The following AASDHPPT variants were observed in gnomAD, a reference collection of about 807,000 sequenced individuals.
AASDHPPT encodes aminoadipate-semialdehyde dehydrogenase-phosphopantetheinyl transferase, also known as L-aminoadipate-semialdehyde dehydrogenase-phosphopantetheinyl transferase.
Under a neutral mutation model 36.4 loss-of-function variants are expected in AASDHPPT, and 23 were observed. The ratio of observed to expected loss-of-function variants is 0.63; its 90% CI spans 0.45 to 0.89. The LOEUF is 0.89. Among genes scored for constraint, AASDHPPT ranks in the 40% least tolerant of loss-of-function variants. The pLI is 0.00. For missense variants in AASDHPPT, 377 were observed against 378.2 expected, an observed-to-expected ratio of 1.00 and a Z score of 0.03; for synonymous variants, 115 against 128.0, an observed-to-expected ratio of 0.90 and a Z score of 0.68.
At chr11:106,095,434 A>G (rs12576617) in intron 5 of AASDHPPT, among the ~76,000 whole-genome samples, 119 of 152,314 alleles carry the variant, frequency 7.8e-4, no homozygotes, top group East Asian at 7.3e-3. Flanking sequence ...ATATTGTGGC[A>G]TAACATCAGT....
Position 106,097,769 on chromosome 11 carries a change from G to C in AASDHPPT, c.*862G>C, listed in dbSNP as rs1294150312. On this transcript the variant is annotated 3_prime_UTR_variant, in exon 6 of 6. Transcript: ENST00000278618. ...AGATCAGGTTACAGAGAAAGGCAATGTCTGACATTTTTGGTCTCTGTTAGA... is the reference window on the plus strand; with the variant it reads ...AGATCAGGTTACAGAGAAAGGCAATCTCTGACATTTTTGGTCTCTGTTAGA... The C allele has an allele frequency of 6.6e-6, 1 of 152,132 alleles. No homozygotes were observed. The highest frequency in any genetic ancestry group is 2.4e-5 in the African/African-American group (1 of 41,440). The allele number at this position is 152,132 out of a possible 1,614,324, so 9.4% of individuals were successfully genotyped here. A position where few individuals can be genotyped will look rare whatever the true frequency, so the allele number is the denominator to read the frequency against.
intron 2 of AASDHPPT, chr11:106,089,642 A>G (rs1861234213): frequency 2.0e-5 from 3 of 152,124 alleles, no homozygotes; most frequent in Admixed American, 1.3e-4. Flanking sequence ...TATACATATT[A>G]TGCATATTTA....
intron 2 of AASDHPPT, among the ~76,000 whole-genome samples, chr11:106,087,918 G>A (rs555548166): frequency 6.6e-6 from 1 of 152,146 alleles, no homozygotes; most frequent in Non-Finnish European, 1.5e-5. Flanking sequence ...TAGTTTAAGG[G>A]ACAAATTCAC....
At chr11:106,079,331 TG>T in intron 1 of AASDHPPT, 135 bp from the exon 2 acceptor site, 1 of 673,492 alleles carries the variant, frequency 1.5e-6, no homozygotes, top group Non-Finnish European at 2.4e-6. Flanking sequence ...TTAATTAACG[TG>T]TGTTTAATAC....
chr11:106,094,764 T>A, intron 5 of AASDHPPT, 110 bp downstream of exon 5: 1 of 770,222 alleles, frequency 1.3e-6, no homozygotes, highest in Non-Finnish European at 2.0e-6. Context: ...GAGATTTTTT[T>A]AAGATTATAG....
intron 1 of AASDHPPT, among the ~76,000 whole-genome samples, chr11:106,078,809 TTGTG>T (rs1180618603): frequency 3.9e-5 from 6 of 152,188 alleles, no homozygotes; most frequent in African/African-American, 1.4e-4. Context: ...TCTTGTTTTT[TTGTG>T]TGTGTGTTTT....
intron 4 of AASDHPPT, chr11:106,093,704 A>G (rs1861280427): frequency 6.6e-6 from 1 of 152,180 alleles, no homozygotes; most frequent in Non-Finnish European, 1.5e-5. Context: ...GTGGTTTTTC[A>G]GTGAAAAGTT....
At chr11:106,095,986 A>G (rs1861309145) in intron 5 of AASDHPPT, 1 of 152,166 alleles carries the variant, frequency 6.6e-6, no homozygotes, top group Non-Finnish European at 1.5e-5. Flanking sequence ...ACAATTCACA[A>G]AATTGGGTTC....
chr11:106,078,741 TGAA>T (rs1257348224), intron 1 of AASDHPPT, among the ~76,000 whole-genome samples: 1 of 152,190 alleles, frequency 6.6e-6, no homozygotes, highest in Non-Finnish European at 1.5e-5. Flanking sequence ...GTGTTAGAAT[TGAA>T]GAAGAAAAAA....
At chr11:106,083,127 G>C (rs376957661) in intron 2 of AASDHPPT, among the ~76,000 whole-genome samples, 11 of 152,024 alleles carry the variant, frequency 7.2e-5, no homozygotes, top group African/African-American at 2.7e-4. Flanking sequence ...TTCCTTACTG[G>C]AAAACCAAGT....
chr11:106,077,905 C>G lies in AASDHPPT; in HGVS notation c.183+12C>G. On this transcript the variant is annotated intron_variant, in intron 1 of 5. Coordinates refer to ENST00000278618, the MANE Select transcript of AASDHPPT (RefSeq NM_015423.3). ...CTAAGGCAGCCATGGTACTACAGGT[C>G]TTTTTTGGTATTTAGAGCCTAGGAA... 2 of 1,612,712 alleles carry G rather than the reference C, an allele frequency of 1.2e-6. No individual in the cohort carries two copies. The highest frequency in any genetic ancestry group is 1.7e-6 in the Non-Finnish European group (2 of 1,179,034).
chr11:106,078,559 T>C (rs2135033854), intron 1 of AASDHPPT, among the ~76,000 whole-genome samples: 1 of 152,348 alleles, frequency 6.6e-6, no homozygotes, highest in Non-Finnish European at 1.5e-5. Flanking sequence ...AACCGTGAAT[T>C]ACCATCATTT....
rs752143900 is a variant in AASDHPPT at position 106,094,654 on chromosome 11, T to A, written c.765T>A (p.Asp255Glu). 6.3e-7 allele frequency: 1 copy of A among 1,594,298 alleles called. No individual in the cohort carries two copies. Among genetic ancestry groups the A allele is most frequent in the South Asian group, 1.2e-5 (1 of 86,782 alleles). ...AACCCGATGGATCTAGACATCAGGA[T>A]GTAAGATTTTAGGATTTCTCTTTTT... ...LRKPDGSRHQDVPSQDDSKPT... is the reference protein window; with the variant it reads ...LRKPDGSRHQEVPSQDDSKPT... Residue 255 changes from aspartate (D) to glutamate (E), a missense_variant and splice_region_variant, in exon 5 of 6, where the codon GAT (aspartate) becomes GAA (glutamate). Asp to Glu is a conservative substitution (Grantham distance 45). Coordinates refer to ENST00000278618, the MANE Select transcript of AASDHPPT (RefSeq NM_015423.3).
chr11:106,092,973 T>C (rs1453167914), intron 4 of AASDHPPT: 1 of 152,184 alleles, frequency 6.6e-6, no homozygotes, highest in Admixed American at 6.6e-5. Context: ...AGTGAGTTTA[T>C]TGGGATATAA....
At chr11:106,078,342 A>G (rs1460660035) in intron 1 of AASDHPPT, among the ~76,000 whole-genome samples, 9 of 152,268 alleles carry the variant, frequency 5.9e-5, no homozygotes, top group Admixed American at 2.0e-4. Flanking sequence ...CCTAGAAATT[A>G]TTGACAGTAT....
chr11:106,080,606 A>G (rs774336065), intron 2 of AASDHPPT, among the ~76,000 whole-genome samples: 1 of 152,192 alleles, frequency 6.6e-6, no homozygotes, highest in Non-Finnish European at 1.5e-5. Context: ...GGCATTTTAC[A>G]TAGTGCTTTA....
intron 4 of AASDHPPT, chr11:106,094,057 A>G (rs1308023114): frequency 6.6e-6 from 1 of 152,326 alleles, no homozygotes; most frequent in Non-Finnish European, 1.5e-5. Context: ...TAATCCACTC[A>G]TTAAATATCA....
At chr11:106,083,391 G>A (rs552879021) in intron 2 of AASDHPPT, among the ~76,000 whole-genome samples, 2 of 152,290 alleles carry the variant, frequency 1.3e-5, no homozygotes, top group East Asian at 3.8e-4. Context: ...TTTAACCACT[G>A]CTCTCTACAG....
chr11:106,079,602 T>A lies in AASDHPPT; in HGVS notation c.319T>A (p.Phe107Ile), dbSNP rs1163627985. The A allele has an allele frequency of 6.2e-7, 1 of 1,614,222 alleles. No homozygotes were observed. The highest frequency in any genetic ancestry group is 1.7e-5 in the Admixed American group (1 of 60,032). Residue 107 changes from phenylalanine to isoleucine, a missense_variant, in exon 2 of 6, where the codon TTT becomes ATT. Transcript: ENST00000278618. ...ATCGAATCCTTACCCGAATTTCAAC[T>A]TTAACATCTCTCATCAAGGAGACTA... ...DSSNPYPNFN[F>I]NISHQGDYAV...
Sources: allele counts gnomAD v4.1 joint callset (sites outside exome capture counted in the v4.1 genomes callset), GRCh38; gene constraint gnomAD v4.1.1; transcripts MANE v1.5; gene names NCBI Gene and HGNC (gene_info 2026-07-23, HGNC 2026-07-21).